Variants in PCDHGB5 observed in about 807,000 individuals in gnomAD.
PCDHGB5 encodes the protein protocadherin gamma subfamily B, 5.
In PCDHGB5, 48 loss-of-function variants were observed where a neutral mutation model predicts 62.9. The ratio of observed to expected loss-of-function variants is 0.76; its 90% CI spans 0.61 to 0.97. PCDHGB5 has a LOEUF of 0.97. Among genes scored for constraint, PCDHGB5 ranks in the 50% least tolerant of loss-of-function variants. PCDHGB5 has a pLI of 0.00. For synonymous variants in PCDHGB5, 474 were observed against 511.2 expected (o/e 0.93, Z 0.98); for missense variants, 1,118 against 1,198.6 (o/e 0.93, Z 0.99).
In PCDHGB5 at chr5:141,493,468, T is replaced by C. The variant is rs960204561; in HGVS notation, c.2398-1339T>C. On this transcript the variant is annotated intron_variant, in intron 1 of 3. Transcript: ENST00000617380. The surrounding 1 kb of genome is among the most constrained non-coding windows in gnomAD (Gnocchi z 4.3). ...TGGGGTTCCTTCCCTTTTAGGACCT[T>C]ACATGTGGGGAAAGTCTTCTGTGGC... Among the ~76,000 whole-genome samples the C allele has an allele frequency of 4.6e-5, 7 of 152,144 alleles. No individual in the cohort carries two copies. Among genetic ancestry groups the C allele is most frequent in the African/African-American group, 1.4e-4 (6 of 41,426 alleles).
At chr5:141,421,025 A>C (rs1047305594) in intron 1 of PCDHGB5, 4 of 526,168 alleles carry the variant, frequency 7.6e-6, no homozygotes, top group African/African-American at 5.9e-5. Context: ...GCTGCGCGCC[A>C]TTGAGTCCCT....
chr5:141,430,957 C>T (rs771551541), intron 1 of PCDHGB5: 42 of 1,611,532 alleles, frequency 2.6e-5, no homozygotes, highest in Middle Eastern at 3.3e-4. Context: ...GAGTCCGCAT[C>T]ATCCCCAGAG....
intron 2 of PCDHGB5, among the ~76,000 whole-genome samples, chr5:141,500,324 T>G (rs1165047676): frequency 6.6e-6 from 1 of 151,994 alleles, no homozygotes; most frequent in African/African-American, 2.4e-5. Flanking sequence ...TGCTCCTGCC[T>G]CAGCCTCCAG....
chr5:141,411,515 T>A (rs1381474249), intron 1 of PCDHGB5: 1 of 151,910 alleles, frequency 6.6e-6, no homozygotes, highest in East Asian at 1.9e-4. Flanking sequence ...TCCTGGGAGG[T>A]CAAGGTTGCA....
rs779918187 is a variant in PCDHGB5 at position 141,400,170 on chromosome 5, G to T, written c.2043G>T (p.Gln681His). The T allele has an allele frequency of 6.2e-7, 1 of 1,614,066 alleles. No individual in the cohort carries two copies. The highest frequency in any genetic ancestry group is 1.7e-5 in the Admixed American group (1 of 60,030). The change falls in exon 1 of 4, where the codon CAG (glutamine) becomes CAT (histidine). Residue 681 changes from glutamine to histidine, a missense_variant. By Grantham distance (24) the Gln-to-His change is conservative. Coordinates refer to ENST00000617380, the MANE Select transcript of PCDHGB5 (RefSeq NM_018925.3). ...ITDRPVPSDPQAELQFYLVVA... is the reference protein window; with the variant it reads ...ITDRPVPSDPHAELQFYLVVA... ...ACCGCCCTGTACCCTCTGACCCCCAGGCTGAGCTGCAGTTTTACCTAGTGG... is the reference window on the plus strand; with the variant it reads ...ACCGCCCTGTACCCTCTGACCCCCATGCTGAGCTGCAGTTTTACCTAGTGG...
In PCDHGB5 at chr5:141,422,942, G is replaced by T. The variant is rs199976232; in HGVS notation, c.2397+22418G>T. On this transcript the variant is annotated intron_variant, in intron 1 of 3. Transcript: ENST00000617380. Reference sequence around the variant, plus strand: ...CTGTACCCTGCCCTCCCCACAGACGGCTCCACTGGCGTGGAGCTGGCGCCC... The same window carrying T: ...CTGTACCCTGCCCTCCCCACAGACGTCTCCACTGGCGTGGAGCTGGCGCCC... The T allele has an allele frequency of 3.6e-4, 583 of 1,614,096 alleles. 1 individual carries two copies. Among genetic ancestry groups the T allele is most frequent in the South Asian group, 5.2e-4 (47 of 91,090 alleles).
rs779949480 is a variant in PCDHGB5, at chr5:141,489,768, C to G, written c.2398-5039C>G. The G allele has an allele frequency of 6.2e-7, 1 of 1,614,134 alleles. No individual in the cohort carries two copies. The highest frequency in any genetic ancestry group is 1.1e-5 in the South Asian group (1 of 91,072). On this transcript the variant is annotated intron_variant, in intron 1 of 3. Coordinates refer to ENST00000617380, the MANE Select transcript of PCDHGB5 (RefSeq NM_018925.3). The surrounding 1 kb of genome is among the most constrained non-coding windows in gnomAD (Gnocchi z 4.5). ...GCTTTTACACTCTAAGCCCCAACAG[C>G]CACTTCTCTCTGAATGTGAAGACCC...
intron 1 of PCDHGB5, among the ~76,000 whole-genome samples, chr5:141,437,781 A>G (rs957126405): frequency 7.3e-5 from 11 of 149,878 alleles, no homozygotes; most frequent in Admixed American, 6.7e-5. Flanking sequence ...ATCTGTCGCC[A>G]AGCTGGAGTG....
In PCDHGB5 at chr5:141,432,002, G is replaced by A. The variant is rs781525225; in HGVS notation, c.2397+31478G>A. On this transcript the variant is annotated intron_variant, in intron 1 of 3. Transcript: ENST00000617380. This position sits in a 1 kb window ranked among gnomAD's most constrained non-coding sequence, Gnocchi z 6.0. ...AGACATAGTCTTGGATAGGGAACAG[G>A]TTCCTAGCTACAACATCACAGTGAC... The A allele has an allele frequency of 1.9e-6, 3 of 1,614,186 alleles. No homozygotes were observed. In the South Asian group the frequency reaches 3.3e-5, roughly 18 times the overall value.
In PCDHGB5 at chr5:141,487,494, C is replaced by T. The variant is rs116370895; in HGVS notation, c.2398-7313C>T. 12 of 1,614,120 alleles carry T rather than the reference C, an allele frequency of 7.4e-6. No individual in the cohort carries two copies. The East Asian group carries it at 1.1e-4, about 15-fold the overall frequency. On this transcript the variant is annotated intron_variant, in intron 1 of 3. Transcript: ENST00000617380. The surrounding 1 kb of genome is among the most constrained non-coding windows in gnomAD (Gnocchi z 5.0). Reference sequence around the variant, plus strand: ...GGAGGCCACTCTCATGGCTGTACACCCTTGGCTTCTGCACCCACTCGGAGT... The same window carrying T: ...GGAGGCCACTCTCATGGCTGTACACTCTTGGCTTCTGCACCCACTCGGAGT...
At chr5:141,481,356 T>A (rs1214829594) in intron 1 of PCDHGB5, among the ~76,000 whole-genome samples, 1 of 152,260 alleles carries the variant, frequency 6.6e-6, no homozygotes, top group East Asian at 1.9e-4. Context: ...CATCTACAGC[T>A]GTTCAATAGA....
intron 1 of PCDHGB5, chr5:141,409,208 G>A: frequency 6.2e-7 from 1 of 1,613,984 alleles, no homozygotes; most frequent in South Asian, 1.1e-5. Context: ...AGTAATCATA[G>A]AAATCCTTGA....
At chr5:141,464,611 A>G (rs2099087451) in intron 1 of PCDHGB5, among the ~76,000 whole-genome samples, 3 of 152,194 alleles carry the variant, frequency 2.0e-5, no homozygotes, top group African/African-American at 7.2e-5. Context: ...TTTGCAGAGT[A>G]TATTGTCAAG....
At chr5:141,509,507 T>G (rs2099877110) in intron 3 of PCDHGB5, among the ~76,000 whole-genome samples, 1 of 151,792 alleles carries the variant, frequency 6.6e-6, no homozygotes, top group African/African-American at 2.4e-5. Flanking sequence ...GATGTGACGG[T>G]GTTGATGATG....
chr5:141,464,343 A>C (rs944042669), intron 1 of PCDHGB5, among the ~76,000 whole-genome samples: 7 of 151,212 alleles, frequency 4.6e-5, no homozygotes, highest in African/African-American at 1.5e-4. Context: ...ATGACTTGTC[A>C]TTTAGGTAGT....
In PCDHGB5 at chr5:141,487,493, C is replaced by T; in HGVS notation, c.2398-7314C>T. 6.2e-7 allele frequency: 1 copy of T among 1,614,168 alleles called. No individual in the cohort carries two copies. The highest frequency in any genetic ancestry group is 1.1e-5 in the South Asian group (1 of 91,088). On this transcript the variant is annotated intron_variant, in intron 1 of 3. Coordinates refer to ENST00000617380, the MANE Select transcript of PCDHGB5 (RefSeq NM_018925.3). The surrounding 1 kb of genome is among the most constrained non-coding windows in gnomAD (Gnocchi z 5.0). ...GGGAGGCCACTCTCATGGCTGTACA[C>T]CCTTGGCTTCTGCACCCACTCGGAG...
chr5:141,421,272 G>A, intron 1 of PCDHGB5: 1 of 1,612,340 alleles, frequency 6.2e-7, no homozygotes, highest in Non-Finnish European at 8.5e-7. Context: ...GGCTGCTGCT[G>A]CTGCTGTGCA....
intron 1 of PCDHGB5, chr5:141,478,429 G>C: frequency 6.2e-7 from 1 of 1,613,674 alleles, no homozygotes; most frequent in Non-Finnish European, 8.5e-7. Flanking sequence ...GCAGCGACCC[G>C]CTGCTGAAGA....
rs1177173734 is a variant in PCDHGB5, at chr5:141,491,741, G to A, written c.2398-3066G>A. ...CCGCCCCGGGCGACCCCTGGGGGCG[G>A]CACTGGAGAAGCCGCCCGTCCTCAT... On this transcript the variant is annotated intron_variant, in intron 1 of 3. Coordinates refer to ENST00000617380, the MANE Select transcript of PCDHGB5 (RefSeq NM_018925.3). The surrounding 1 kb of genome is among the most constrained non-coding windows in gnomAD (Gnocchi z 6.9). 1.9e-6 allele frequency: 3 copies of A among 1,595,644 alleles called. No homozygotes were observed. In the South Asian group the frequency reaches 3.4e-5, roughly 18 times the overall value.
Sources: gnomAD v4.1 joint callset for allele counts (sites outside exome capture counted in the v4.1 genomes callset) on GRCh38, gnomAD v4.1.1 for gene constraint, Gnocchi (gnomAD v3.1) non-coding constraint, MANE v1.5 for transcripts, NCBI Gene and HGNC (gene_info 2026-07-23, HGNC 2026-07-21) for gene names.